RAD51B: variants seen among roughly 807,000 people sequenced by gnomAD.
RAD51B encodes the protein RAD51 paralog B, also known as DNA repair protein RAD51 homolog 2.
Under a neutral mutation model 42.2 loss-of-function variants are expected in RAD51B, and 38 were observed. That is an observed-to-expected ratio of 0.90 (90% CI 0.70 to 1.18). The LOEUF (loss-of-function observed/expected upper bound fraction) is 1.18. RAD51B is among the 50% of genes most tolerant of loss of function. RAD51B has a pLI of 0.00. For missense variants in RAD51B, 373 were observed against 400.7 expected (o/e 0.93, Z 0.59); for synonymous variants, 154 against 145.2 (o/e 1.06, Z -0.43).
intron 7 of RAD51B, among the ~76,000 whole-genome samples, chr14:67,988,292 C>G (rs1252721390): frequency 6.6e-6 from 1 of 152,036 alleles, no homozygotes; most frequent in Non-Finnish European, 1.5e-5. Flanking sequence ...AAGCCTGTCT[C>G]TACTAAAAAT....
At position 68,261,500 on chromosome 14, in the gene RAD51B, T is replaced by G. The variant is rs532014860; in HGVS notation, c.757-30384T>G. Among the ~76,000 whole-genome samples, 9 of 152,360 alleles carry G rather than the reference T, an allele frequency of 5.9e-5. No homozygotes were observed. The South Asian group carries it at 1.9e-3, about 32-fold the overall frequency. On this transcript the variant is annotated intron_variant, in intron 7 of 10. Coordinates refer to ENST00000471583, the MANE Select transcript of RAD51B (RefSeq NM_133510.4). ...CAAGTTCAACTGTGCACTCTCTCTT[T>G]CTTGTATATAATTAAAAATACTGCA... is the stretch of plus-strand genomic sequence containing the variant.
Position 68,578,336 on chromosome 14 carries a change from G to A in RAD51B, c.1037-16149G>A, listed in dbSNP as rs150041093. ...TGAGGCAAGAGAATCGCTTGAACCC[G>A]GGAGGTGGAGGTTGTAGTGAACGGA... is the stretch of plus-strand genomic sequence containing the variant. On this transcript the variant is annotated intron_variant, in intron 10 of 10. Coordinates refer to the RAD51B transcript ENST00000487270. Among the ~76,000 whole-genome samples the A allele has an allele frequency of 5.9e-3, 898 of 152,254 alleles. 13 individuals carry two copies. The highest frequency in any genetic ancestry group is 0.02 in the African/African-American group (845 of 41,530).
chr14:68,390,062 G>A (rs77982288), intron 8 of RAD51B, among the ~76,000 whole-genome samples: 3,292 of 152,284 alleles, frequency 0.022, 55 homozygotes, highest in East Asian at 0.048. Flanking sequence ...TTTCTCAGAC[G>A]AAGAGCCTCA....
chr14:68,448,260 AATATATGATCC>A (rs1371225508), intron 9 of RAD51B, among the ~76,000 whole-genome samples: 1 of 152,252 alleles, frequency 6.6e-6, no homozygotes, highest in Non-Finnish European at 1.5e-5. Flanking sequence ...AGATTACATG[AATATATGATCC>A]ATATAGTCTA....
chr14:68,108,455 G>T (rs796231982), intron 7 of RAD51B, among the ~76,000 whole-genome samples: 8 of 152,056 alleles, frequency 5.3e-5, no homozygotes, highest in African/African-American at 1.7e-4. Flanking sequence ...ATAAAGTAGT[G>T]ATACATGCGT....
intron 7 of RAD51B, among the ~76,000 whole-genome samples, chr14:68,087,135 CAA>C (rs1347014384): frequency 1.1e-4 from 14 of 124,230 alleles, no homozygotes; most frequent in Non-Finnish European, 8.7e-5. Context: ...AACGCCATCT[CAA>C]AAAAAAAAAA....
chr14:68,455,191 A>G (rs2085654001), intron 9 of RAD51B, among the ~76,000 whole-genome samples: 1 of 152,256 alleles, frequency 6.6e-6, no homozygotes, highest in Non-Finnish European at 1.5e-5. Context: ...CTCATCAGAA[A>G]CCACAGAAGC....
chr14:68,299,603 T>C (rs556994125), intron 8 of RAD51B, among the ~76,000 whole-genome samples: 1 of 152,284 alleles, frequency 6.6e-6, no homozygotes, highest in East Asian at 1.9e-4. Context: ...CCTGGAATTA[T>C]TCCCCTGCAG....
chr14:67,849,458 AT>A (rs927180816), intron 4 of RAD51B, among the ~76,000 whole-genome samples: 46 of 151,884 alleles, frequency 3.0e-4, no homozygotes, highest in African/African-American at 1.1e-3. Context: ...ATTTTATATT[AT>A]TTTAGTAGAG....
At chr14:68,377,869 T>A (rs1200293707) in intron 8 of RAD51B, among the ~76,000 whole-genome samples, 1 of 152,224 alleles carries the variant, frequency 6.6e-6, no homozygotes, top group East Asian at 1.9e-4. Context: ...TTGGGAGCTG[T>A]AGATTCTTGA....
chr14:68,058,287 CT>C (rs1260427933), intron 7 of RAD51B, among the ~76,000 whole-genome samples: 2 of 152,108 alleles, frequency 1.3e-5, no homozygotes, highest in African/African-American at 4.8e-5. Flanking sequence ...ACCTTTGACC[CT>C]TTTTGGCCTT....
chr14:68,158,047 A>G (rs2078552168), intron 7 of RAD51B, among the ~76,000 whole-genome samples: 1 of 152,194 alleles, frequency 6.6e-6, no homozygotes, highest in Non-Finnish European at 1.5e-5. Context: ...ATCCCATAAA[A>G]TGAATAATAG....
At chr14:67,849,969 T>A (rs1447237498) in intron 4 of RAD51B, among the ~76,000 whole-genome samples, 1 of 152,220 alleles carries the variant, frequency 6.6e-6, no homozygotes, top group Non-Finnish European at 1.5e-5. Flanking sequence ...ATTCTTATGT[T>A]GCTTCCTTCT....
rs998365612 is a variant in RAD51B at position 67,903,384 on chromosome 14, G to A, written c.756+16180G>A. On this transcript the variant is annotated intron_variant, in intron 7 of 10. Transcript: ENST00000471583. Reference sequence around the variant, plus strand: ...AGTGTAACCTAAATATTTGCCTTAAGAAGTTAAATAACTAATATTTTTAGT... The same window carrying A: ...AGTGTAACCTAAATATTTGCCTTAAAAAGTTAAATAACTAATATTTTTAGT... 2.0e-5 allele frequency among the ~76,000 whole-genome samples: 3 copies of A among 152,042 alleles called. No individual in the cohort carries two copies. The South Asian group carries it at 6.2e-4, about 32-fold the overall frequency.
At chr14:68,001,221 A>C (rs888574857) in intron 7 of RAD51B, among the ~76,000 whole-genome samples, 3 of 152,112 alleles carry the variant, frequency 2.0e-5, no homozygotes, top group Non-Finnish European at 2.9e-5. Context: ...AAACTATCGT[A>C]TATTTTCTAT....
intron 9 of RAD51B, among the ~76,000 whole-genome samples, chr14:68,415,031 CAAAA>C (rs71129885): frequency 1.6e-3 from 51 of 32,500 alleles, no homozygotes; most frequent in Non-Finnish European, 2.6e-3. Flanking sequence ...GACTCTGTCT[CAAAA>C]AAAAAAAAAA....
intron 8 of RAD51B, among the ~76,000 whole-genome samples, 191 bp downstream of exon 8, chr14:68,292,171 G>C (rs1408252100): frequency 6.6e-6 from 1 of 152,170 alleles, no homozygotes; most frequent in Non-Finnish European, 1.5e-5. Flanking sequence ...CTTTTGCCCT[G>C]CCTCTATAAG....
chr14:67,951,803 C>G (rs1461326536), intron 7 of RAD51B, among the ~76,000 whole-genome samples: 1 of 152,158 alleles, frequency 6.6e-6, no homozygotes, highest in East Asian at 1.9e-4. Context: ...AAGAAACCTC[C>G]TATGGCTTAG....
In RAD51B at chr14:67,835,158, G is replaced by A. The variant is rs965821237; in HGVS notation, c.277G>A (p.Ala93Thr). Residue 93 changes from alanine to threonine, a missense_variant, in exon 4 of 11, where the codon GCC (alanine) becomes ACC (threonine). Ala to Thr is a moderately conservative substitution (Grantham distance 58, BLOSUM62 0). Transcript: ENST00000471583. ...TACTACCCTTTCTGCTTTGGACGAA[G>A]CCCTGCATGGTGGTGTGGCTTGTGG... ...LSTTLSALDEALHGGVACGSL... is the reference protein window; with the variant it reads ...LSTTLSALDETLHGGVACGSL... 3 of 1,614,032 alleles carry A rather than the reference G, an allele frequency of 1.9e-6. No homozygotes were observed. The highest frequency in any genetic ancestry group is 1.3e-5 in the African/African-American group (1 of 75,016).
Sources: allele counts gnomAD v4.1 joint callset (sites outside exome capture counted in the v4.1 genomes callset), GRCh38; gene constraint gnomAD v4.1.1; transcripts MANE v1.5; gene names NCBI Gene and HGNC (gene_info 2026-07-23, HGNC 2026-07-21).